KHDRBS2: variants seen among roughly 807,000 people sequenced by gnomAD.
KHDRBS2 encodes the protein KH domain-containing, RNA-binding, signal transduction-associated protein 2.
A neutral mutation model predicts 44.3 loss-of-function variants in KHDRBS2; 26 were observed. That is an observed-to-expected ratio of 0.59 (90% CI 0.43 to 0.81). The LOEUF (loss-of-function observed/expected upper bound fraction) is 0.81. Ranked by LOEUF, KHDRBS2 falls within the 40% of genes least tolerant of loss-of-function variation. The pLI is 0.00. For synonymous variants in KHDRBS2, 194 were observed against 151.1 expected (o/e 1.28, Z -2.08); for missense variants, 476 against 433.1 (o/e 1.10, Z -0.88).
chr6:62,241,833 G>A (rs751456767), intron 1 of KHDRBS2, among the ~76,000 whole-genome samples: 1 of 150,526 alleles, frequency 6.6e-6, no homozygotes, highest in East Asian at 1.9e-4. Flanking sequence ...GGGCAAATAG[G>A]TATTATATAT....
chr6:62,008,224 C>T (rs149738016), intron 3 of KHDRBS2, among the ~76,000 whole-genome samples: 30 of 152,168 alleles, frequency 2.0e-4, no homozygotes, highest in East Asian at 3.9e-4. Flanking sequence ...TGCCTCAGTA[C>T]GGTATTTTTA....
At chr6:61,791,320 A>T (rs1409726038) in intron 6 of KHDRBS2, among the ~76,000 whole-genome samples, 1 of 151,312 alleles carries the variant, frequency 6.6e-6, no homozygotes, top group Admixed American at 6.6e-5. Context: ...TTTCAAAAAA[A>T]TATTTGCTTG....
chr6:61,603,174 A>T, the KHDRBS2 span, among the ~76,000 whole-genome samples: 1 of 152,000 alleles, frequency 6.6e-6, no homozygotes, highest in Admixed American at 6.6e-5. Flanking sequence ...AAGCCTATAA[A>T]CTCTCCTTAC....
intron 1 of KHDRBS2, among the ~76,000 whole-genome samples, chr6:62,187,559 T>C (rs1823700572): frequency 6.6e-6 from 1 of 152,124 alleles, no homozygotes. Flanking sequence ...ATTGAACATA[T>C]TTTTATTATT....
At chr6:62,110,681 G>A (rs1257788862) in intron 2 of KHDRBS2, among the ~76,000 whole-genome samples, 1 of 152,032 alleles carries the variant, frequency 6.6e-6, no homozygotes, top group Non-Finnish European at 1.5e-5. Context: ...GTATAGTACT[G>A]AAAAGCGAAA....
At chr6:61,921,652 T>A (rs1808090645) in intron 4 of KHDRBS2, among the ~76,000 whole-genome samples, 2 of 151,994 alleles carry the variant, frequency 1.3e-5, no homozygotes, top group South Asian at 4.1e-4. Flanking sequence ...TCCAAACCAA[T>A]GAGACAGAAC....
the KHDRBS2 span, among the ~76,000 whole-genome samples, chr6:61,638,886 C>A: frequency 6.6e-6 from 1 of 152,006 alleles, no homozygotes; most frequent in African/African-American, 2.4e-5. Flanking sequence ...TTAAATGTGT[C>A]GAGTTGTTGT....
chr6:61,604,503 A>G, the KHDRBS2 span, among the ~76,000 whole-genome samples: 1 of 152,198 alleles, frequency 6.6e-6, no homozygotes, highest in Non-Finnish European at 1.5e-5. Context: ...CCAGCCTCAC[A>G]GGCCCATTCT....
intron 4 of KHDRBS2, among the ~76,000 whole-genome samples, chr6:61,955,461 T>TATGTATGTATAC (rs1766737294): frequency 5.6e-5 from 2 of 35,456 alleles, no homozygotes; most frequent in African/African-American, 3.1e-4. Context: ...TATATATACA[T>TATGTATGTATAC]ATGTGTATAT....
At chr6:61,688,441 G>A (rs910283727) in intron 8 of KHDRBS2, among the ~76,000 whole-genome samples, 1 of 151,864 alleles carries the variant, frequency 6.6e-6, no homozygotes, top group Non-Finnish European at 1.5e-5. Context: ...TTTATAATAT[G>A]AGGAATAACA....
chr6:61,630,006 T>C, the KHDRBS2 span, among the ~76,000 whole-genome samples: 1 of 152,184 alleles, frequency 6.6e-6, no homozygotes, highest in Admixed American at 6.5e-5. Flanking sequence ...ATTTACAGGT[T>C]TGTGGGTCAA....
chr6:61,804,002 T>G (rs1786718049), intron 6 of KHDRBS2, among the ~76,000 whole-genome samples: 1 of 152,046 alleles, frequency 6.6e-6, no homozygotes, highest in Non-Finnish European at 1.5e-5. Context: ...AAATCTCATC[T>G]TCCTCACATT....
At chr6:61,811,526 A>G (rs1286058247) in intron 6 of KHDRBS2, among the ~76,000 whole-genome samples, 1 of 152,080 alleles carries the variant, frequency 6.6e-6, no homozygotes, top group Non-Finnish European at 1.5e-5. Flanking sequence ...GAAAATTCCA[A>G]ACTGCTTTCC....
At chr6:62,281,869 C>T (rs1335155212) in intron 1 of KHDRBS2, among the ~76,000 whole-genome samples, 1 of 152,058 alleles carries the variant, frequency 6.6e-6, no homozygotes. Context: ...TTTTTCTTGT[C>T]AAAGTAGAAA....
chr6:62,276,115 GA>G (rs1840899587), intron 1 of KHDRBS2, among the ~76,000 whole-genome samples: 1 of 152,120 alleles, frequency 6.6e-6, no homozygotes, highest in African/African-American at 2.4e-5. Flanking sequence ...ACGCTCTAGA[GA>G]AAACACACTT....
rs114164944 is a variant in KHDRBS2 at position 61,861,756 on chromosome 6, A to C, written c.810+32879T>G. On this transcript the variant is annotated intron_variant, in intron 6 of 8. Coordinates refer to ENST00000281156, the MANE Select transcript of KHDRBS2 (RefSeq NM_152688.4). The stretch of plus-strand genomic sequence containing the variant: ...CTTTTCTAATTCTGTAAAGGATGTC[A>C]ATGCTAGTTTAATGGGAATAGCATT... Among the ~76,000 whole-genome samples the C allele has an allele frequency of 6.0e-3, 907 of 152,034 alleles. 8 individuals are homozygous for C. The highest frequency in any genetic ancestry group is 7.0e-3 in the Non-Finnish European group (475 of 67,970).
intron 6 of KHDRBS2, among the ~76,000 whole-genome samples, chr6:61,787,704 A>T (rs2127583867): frequency 6.6e-6 from 1 of 151,814 alleles, no homozygotes; most frequent in Non-Finnish European, 1.5e-5. Context: ...CAGCCCAATG[A>T]CAATTTGAGT....
intron 1 of KHDRBS2, among the ~76,000 whole-genome samples, chr6:62,180,893 T>G (rs1356567241): frequency 6.6e-6 from 1 of 151,774 alleles, no homozygotes; most frequent in Non-Finnish European, 1.5e-5. Flanking sequence ...TCTATACATG[T>G]ATGTTCAATT....
At chr6:62,064,831 AG>A (rs1360215612) in intron 2 of KHDRBS2, among the ~76,000 whole-genome samples, 4 of 151,282 alleles carry the variant, frequency 2.6e-5, no homozygotes, top group African/African-American at 9.7e-5. Flanking sequence ...AACTACCATC[AG>A]AGTGAACAGG....
Sources: gnomAD v4.1 joint callset for allele counts (sites outside exome capture counted in the v4.1 genomes callset) on GRCh38, gnomAD v4.1.1 for gene constraint, MANE v1.5 for transcripts, NCBI Gene and HGNC (gene_info 2026-07-23, HGNC 2026-07-21) for gene names.